CMIP: variants seen among roughly 807,000 people sequenced by gnomAD.
The protein encoded by CMIP is C-Maf-inducing protein.
CMIP carries 13 observed loss-of-function variants against 97.3 expected under a neutral mutation model. The observed-to-expected ratio is 0.13, with a 90% CI of 0.09 to 0.21. CMIP has a LOEUF of 0.21. Ranked by LOEUF, CMIP falls within the 10% of genes least tolerant of loss-of-function variation. The pLI is 1.00. For missense variants in CMIP, 847 were observed against 1,024.9 expected, an observed-to-expected ratio of 0.83 and a Z score of 2.37; for synonymous variants, 538 against 436.3, an observed-to-expected ratio of 1.23 and a Z score of -2.91.
At chr16:81,701,523 C>T (rs1316626990) in intron 15 of CMIP, 137 bp from the exon 16 acceptor site, 14 of 1,218,612 alleles carry the variant, frequency 1.1e-5, no homozygotes, top group Non-Finnish European at 1.5e-5. Context: ...GTGATTTGCC[C>T]AGGCTTACAC....
At chr16:81,585,399 A>G (rs1467699221) in intron 1 of CMIP, among the ~76,000 whole-genome samples, 1 of 152,172 alleles carries the variant, frequency 6.6e-6, no homozygotes, top group Non-Finnish European at 1.5e-5. Flanking sequence ...ATAATGTGCA[A>G]TCACTACCAC....
At chr16:81,702,592 T>A in intron 16 of CMIP, 30 bp from the exon 17 acceptor site, 1 of 1,608,622 alleles carries the variant, frequency 6.2e-7, no homozygotes, top group African/African-American at 1.3e-5. Flanking sequence ...GGGAAAAGAA[T>A]GGTTGTAACC....
chr16:81,677,976 G>A (rs975988325), intron 9 of CMIP, among the ~76,000 whole-genome samples: 8 of 152,252 alleles, frequency 5.3e-5, no homozygotes, highest in Non-Finnish European at 1.2e-4. Flanking sequence ...GTGAAGATCA[G>A]CATCCACTCA....
chr16:81,472,293 G>T (rs987315077), intron 1 of CMIP, among the ~76,000 whole-genome samples: 3 of 152,218 alleles, frequency 2.0e-5, no homozygotes, highest in African/African-American at 7.2e-5. Context: ...TTGTGGTCAG[G>T]ATTCCATGAG....
intron 3 of CMIP, among the ~76,000 whole-genome samples, chr16:81,638,044 T>C (rs2092258841): frequency 6.6e-6 from 1 of 151,632 alleles, no homozygotes; most frequent in Non-Finnish European, 1.5e-5. Flanking sequence ...CCACTGGGGA[T>C]TAGGTTTCAA....
chr16:81,579,301 T>C (rs888257538), intron 1 of CMIP, among the ~76,000 whole-genome samples: 2 of 152,060 alleles, frequency 1.3e-5, no homozygotes, highest in African/African-American at 2.4e-5. Flanking sequence ...AGCTCTCAGG[T>C]GTGGAAGGCA....
At chr16:81,466,202 G>C (rs953152466) in intron 1 of CMIP, among the ~76,000 whole-genome samples, 1 of 151,948 alleles carries the variant, frequency 6.6e-6, no homozygotes, top group African/African-American at 2.4e-5. Flanking sequence ...CTGGGCCTGC[G>C]GGTGTGTGCC....
intron 1 of CMIP, among the ~76,000 whole-genome samples, chr16:81,503,110 A>G (rs1361919451): frequency 6.6e-6 from 1 of 152,236 alleles, no homozygotes; most frequent in Non-Finnish European, 1.5e-5. Context: ...GCTAAAGAAC[A>G]CAGGCCCCGG....
At chr16:81,483,916 A>G (rs1168830555) in intron 1 of CMIP, among the ~76,000 whole-genome samples, 2 of 152,144 alleles carry the variant, frequency 1.3e-5, no homozygotes, top group Non-Finnish European at 2.9e-5. Flanking sequence ...TCTGCATTTT[A>G]TGTTTTCCAC....
chr16:81,701,685 ACAT>A lies in CMIP; in HGVS notation c.1786_1788del (p.Ile596del). 2 of 1,613,896 alleles carry A rather than the reference ACAT, an allele frequency of 1.2e-6. No individual in the cohort carries two copies. Among genetic ancestry groups the A allele is most frequent in the Non-Finnish European group, 1.7e-6 (2 of 1,179,886 alleles). On this transcript the variant is annotated inframe_deletion, in exon 16 of 21. Transcript: ENST00000537098. ...ATCCTGTGCTTGATGCTGGAATACA[ACAT>A]CATCGACAACAACGACACCCAACTG...
chr16:81,698,775 G>A (rs74031241), intron 14 of CMIP, among the ~76,000 whole-genome samples: 38,065 of 151,926 alleles, frequency 0.25, 5,109 homozygotes, highest in Middle Eastern at 0.36. Flanking sequence ...CCTTCCTCCC[G>A]GCCTCAGTCC....
chr16:81,578,365 A>C (rs1370134704), intron 1 of CMIP, among the ~76,000 whole-genome samples: 1 of 152,250 alleles, frequency 6.6e-6, no homozygotes, highest in African/African-American at 2.4e-5. Flanking sequence ...TGTCATAAAG[A>C]GTACAGAGTC....
intron 1 of CMIP, among the ~76,000 whole-genome samples, chr16:81,599,337 T>C (rs1328305050): frequency 1.3e-5 from 2 of 152,156 alleles, no homozygotes; most frequent in Non-Finnish European, 2.9e-5. Flanking sequence ...CCTTCTAGGA[T>C]CATATCGTTA....
chr16:81,462,894 G>A (rs1022674590), intron 1 of CMIP, among the ~76,000 whole-genome samples: 7 of 152,138 alleles, frequency 4.6e-5, no homozygotes, highest in Non-Finnish European at 1.0e-4. Context: ...TAAAGCAGAG[G>A]GACAGAGTGA....
At chr16:81,475,334 G>C (rs116477652) in intron 1 of CMIP, among the ~76,000 whole-genome samples, 3 of 152,164 alleles carry the variant, frequency 2.0e-5, no homozygotes, top group Non-Finnish European at 4.4e-5. Flanking sequence ...CCACTCAGCG[G>C]AAGAAATAAA....
chr16:81,685,333 T>C (rs1468413324), intron 10 of CMIP, among the ~76,000 whole-genome samples: 1 of 152,138 alleles, frequency 6.6e-6, no homozygotes, highest in African/African-American at 2.4e-5. Context: ...AGTCTCCCAC[T>C]GGACTGAGCA....
chr16:81,703,374 G>A (rs1024934568), intron 17 of CMIP, among the ~76,000 whole-genome samples: 2 of 152,056 alleles, frequency 1.3e-5, no homozygotes, highest in Non-Finnish European at 2.9e-5. Context: ...TCAGGCATGC[G>A]CTGGTGTCTT....
chr16:81,473,806 C>T (rs2150749380), intron 1 of CMIP, among the ~76,000 whole-genome samples: 1 of 141,364 alleles, frequency 7.1e-6, no homozygotes, highest in East Asian at 2.0e-4. Context: ...TTGGCCCACA[C>T]AGTGGTTTTT....
intron 1 of CMIP, chr16:81,495,469 G>A (rs918406859): frequency 2.5e-6 from 4 of 1,612,696 alleles, no homozygotes; most frequent in South Asian, 1.1e-5. Flanking sequence ...CCTGGCGTCC[G>A]GGGAAGGATG....
Sources: gnomAD v4.1 joint callset for allele counts (sites outside exome capture counted in the v4.1 genomes callset) on GRCh38, gnomAD v4.1.1 for gene constraint, MANE v1.5 for transcripts, NCBI Gene and HGNC (gene_info 2026-07-23, HGNC 2026-07-21) for gene names.